The following MLLT3 variants were observed in gnomAD, a reference collection of about 807,000 sequenced individuals.
MLLT3 encodes MLLT3 super elongation complex subunit, also known as protein AF-9.
MLLT3 carries 4 observed loss-of-function variants against 53.2 expected under a neutral mutation model. The observed-to-expected ratio is 0.08, with a 90% CI of 0.04 to 0.17. The LOEUF is 0.17. Ranked by LOEUF, MLLT3 falls within the 10% of genes least tolerant of loss-of-function variation. MLLT3 has a pLI of 1.00. For missense variants in MLLT3, 569 were observed against 684.0 expected (o/e 0.83, Z 1.87); for synonymous variants, 283 against 230.6 (o/e 1.23, Z -2.06).
intron 10 of MLLT3, among the ~76,000 whole-genome samples, chr9:20,350,423 G>A (rs564705749): frequency 2.6e-4 from 39 of 151,824 alleles, no homozygotes; most frequent in South Asian, 6.3e-4. Context: ...GTGAAACCCC[G>A]TCTCTACTAA....
chr9:20,523,572 C>G (rs535058712), intron 2 of MLLT3, among the ~76,000 whole-genome samples: 1 of 152,290 alleles, frequency 6.6e-6, no homozygotes, highest in African/African-American at 2.4e-5. Flanking sequence ...CATGAGGAAA[C>G]TGAAATGCAT....
chr9:20,503,540 A>C (rs1825302058), intron 2 of MLLT3, among the ~76,000 whole-genome samples: 2 of 152,228 alleles, frequency 1.3e-5, no homozygotes, highest in Non-Finnish European at 1.5e-5. Context: ...TATAAAAATC[A>C]ACTCAAAATG....
intron 5 of MLLT3, among the ~76,000 whole-genome samples, chr9:20,378,529 T>G (rs1397683397): frequency 1.3e-5 from 2 of 152,042 alleles, no homozygotes; most frequent in African/African-American, 2.4e-5. Flanking sequence ...TTTAAAAGAT[T>G]TTGAAGTGCA....
chr9:20,401,190 A>C (rs1268596635), intron 5 of MLLT3, among the ~76,000 whole-genome samples: 1 of 152,190 alleles, frequency 6.6e-6, no homozygotes, highest in African/African-American at 2.4e-5. Context: ...ATTTCCTTTT[A>C]CATGAAGGTA....
chr9:20,542,871 C>T (rs1587049407), intron 2 of MLLT3, among the ~76,000 whole-genome samples: 1 of 152,244 alleles, frequency 6.6e-6, no homozygotes, highest in Non-Finnish European at 1.5e-5. Flanking sequence ...AGCCACCTTT[C>T]TCAATGATCT....
At chr9:20,413,575 G>A (rs996675116) in intron 5 of MLLT3, 146 bp downstream of exon 5, 4 of 606,690 alleles carry the variant, frequency 6.6e-6, no homozygotes, top group South Asian at 3.1e-5. Context: ...CATTAGTTAA[G>A]GAAATGCATT....
rs1375112843 is a variant in MLLT3 at position 20,621,877 on chromosome 9, TGA to T, written c.12+366_12+367del. 242 of 1,369,716 alleles carry T rather than the reference TGA, an allele frequency of 1.8e-4. No individual in the cohort carries two copies. Among genetic ancestry groups the T allele is most frequent in the Middle Eastern group, 5.6e-4 (3 of 5,316 alleles). The allele number at this position is 1,369,716 out of a possible 1,614,324, so 84.8% of individuals were successfully genotyped here. A position where few individuals can be genotyped will look rare whatever the true frequency, so the allele number is the denominator to read the frequency against. On this transcript the variant is annotated intron_variant, in intron 1 of 10. Coordinates refer to ENST00000380338, the MANE Select transcript of MLLT3 (RefSeq NM_004529.4). The surrounding 1 kb of genome is among the most constrained non-coding windows in gnomAD (Gnocchi z 7.0). ...CCGGCGGCGGCGGCTGAAATATGGC[TGA>T]GTTATTATTCGCCTCCTTCCACCGT...
At position 20,413,741 on chromosome 9, in the gene MLLT3, T is replaced by C. The variant is rs199841004; in HGVS notation, c.1105A>G (p.Asn369Asp). Residue 369 changes from asparagine to aspartate, a missense_variant, in exon 5 of 11, where the codon AAT becomes GAT. Transcript: ENST00000380338. ...VDPNDSDVEENISSKSDSEQP... is the reference protein window; with the variant it reads ...VDPNDSDVEEDISSKSDSEQP... ...CTCACATCAGATTTAGAGGATATAT[T>C]CTCCTCCACATCTGAATCATTGGGA... is the stretch of plus-strand genomic sequence containing the variant. 1.2e-6 allele frequency: 2 copies of C among 1,605,866 alleles called. No homozygotes were observed. Among genetic ancestry groups the C allele is most frequent in the East Asian group, 4.5e-5 (2 of 44,844 alleles).
chr9:20,388,621 C>T (rs1822102732), intron 5 of MLLT3, among the ~76,000 whole-genome samples: 1 of 151,294 alleles, frequency 6.6e-6, no homozygotes, highest in African/African-American at 2.4e-5. Context: ...AAGAATCTCC[C>T]ATTAAAAAAC....
At chr9:20,512,229 C>T (rs531007455) in intron 2 of MLLT3, among the ~76,000 whole-genome samples, 4 of 152,220 alleles carry the variant, frequency 2.6e-5, no homozygotes, top group Non-Finnish European at 4.4e-5. Flanking sequence ...TATCTGGCTC[C>T]TGATCTGAAA....
At chr9:20,581,911 C>T (rs10811372) in intron 2 of MLLT3, among the ~76,000 whole-genome samples, 68,102 of 151,894 alleles carry the variant, frequency 0.45, 15,419 homozygotes, top group Middle Eastern at 0.5. Context: ...AAGAGCCTAA[C>T]CTTTTCTCTC....
Position 20,344,609 on chromosome 9 carries a change from AC to A in MLLT3, c.*1833del, listed in dbSNP as rs1820819155. 1 of 210,376 alleles carries A rather than the reference AC, an allele frequency of 4.8e-6. No homozygotes were observed. The highest frequency in any genetic ancestry group is 1.9e-4 in the South Asian group (1 of 5,338). 13.0% of individuals were successfully genotyped at this position (210,376 alleles called of 1,614,324 possible). A position where few individuals can be genotyped will look rare whatever the true frequency, so the allele number is the denominator to read the frequency against. ...AATCATAACATTATTGAGAAAGTACACTTGTCCTCTGGGAGGACGCTTCAGA... is the reference window on the plus strand; with the variant it reads ...AATCATAACATTATTGAGAAAGTACATTGTCCTCTGGGAGGACGCTTCAGA... On this transcript the variant is annotated 3_prime_UTR_variant, in exon 11 of 11. Transcript: ENST00000380338.
In MLLT3 at chr9:20,622,336, G is replaced by A. The variant is rs1039219084; in HGVS notation, c.-80C>T. On this transcript the variant is annotated 5_prime_UTR_variant, in exon 1 of 11. Coordinates refer to ENST00000380338, the MANE Select transcript of MLLT3 (RefSeq NM_004529.4). ...CCCCCCCTCAGCTGTAATTCATGAA[G>A]AGGCTGCTATGAATGAGAGCGCGCC... 10 of 1,340,804 alleles carry A rather than the reference G, an allele frequency of 7.5e-6. No homozygotes were observed. The South Asian group carries it at 1.0e-4, about 14-fold the overall frequency. The allele number at this position is 1,340,804 out of a possible 1,614,324, so 83.1% of individuals were successfully genotyped here. A position where few individuals can be genotyped will look rare whatever the true frequency, so the allele number is the denominator to read the frequency against.
At chr9:20,473,749 C>A (rs1291755183) in intron 2 of MLLT3, among the ~76,000 whole-genome samples, 1 of 151,946 alleles carries the variant, frequency 6.6e-6, no homozygotes, top group African/African-American at 2.4e-5. Flanking sequence ...AACAAAAAAA[C>A]TAACTATGCT....
At chr9:20,565,969 TATA>T (rs1563820608) in intron 2 of MLLT3, among the ~76,000 whole-genome samples, 16 of 38,530 alleles carry the variant, frequency 4.2e-4, no homozygotes, top group African/African-American at 2.1e-3. Flanking sequence ...TATATATATT[TATA>T]TATATATATA....
chr9:20,351,281 C>G (rs199879091), intron 10 of MLLT3, among the ~76,000 whole-genome samples: 1 of 152,222 alleles, frequency 6.6e-6, no homozygotes, highest in African/African-American at 2.4e-5. Flanking sequence ...CTAAACTACT[C>G]TCTTAGGAAA....
rs541127016 is a variant in MLLT3 at position 20,342,335 on chromosome 9, A to G, written c.*4108T>C. ...CTTGAATTCACACAAAAGCATGTACACATACACAATGTATCTTTCAACATA... is the reference window on the plus strand; with the variant it reads ...CTTGAATTCACACAAAAGCATGTACGCATACACAATGTATCTTTCAACATA... On this transcript the variant is annotated 3_prime_UTR_variant, in exon 11 of 11. Transcript: ENST00000380338. 1 of 225,344 alleles carries G rather than the reference A, an allele frequency of 4.4e-6. No individual in the cohort carries two copies. The highest frequency in any genetic ancestry group is 1.8e-4 in the South Asian group (1 of 5,474). 14.0% of individuals were successfully genotyped at this position (225,344 alleles called of 1,614,324 possible).
chr9:20,432,340 TAAATG>T (rs1041353601), intron 4 of MLLT3, among the ~76,000 whole-genome samples: 2 of 152,204 alleles, frequency 1.3e-5, no homozygotes, highest in African/African-American at 4.8e-5. Flanking sequence ...TGACAGGAGT[TAAATG>T]AAATAACATA....
chr9:20,438,820 T>G (rs1245355968), intron 4 of MLLT3, among the ~76,000 whole-genome samples: 1 of 152,180 alleles, frequency 6.6e-6, no homozygotes, highest in Non-Finnish European at 1.5e-5. Flanking sequence ...CACAAGTTCA[T>G]GTAAAGGCTG....
Sources: gnomAD v4.1 joint callset for allele counts (sites outside exome capture counted in the v4.1 genomes callset) on GRCh38, gnomAD v4.1.1 for gene constraint, Gnocchi (gnomAD v3.1) non-coding constraint, MANE v1.5 for transcripts, NCBI Gene and HGNC (gene_info 2026-07-23, HGNC 2026-07-21) for gene names.